Variants in QSER1 observed in about 807,000 individuals in gnomAD.
The protein encoded by QSER1 is glutamine and serine rich 1, also known as glutamine and serine-rich protein 1.
A neutral mutation model predicts 158.5 loss-of-function variants in QSER1; 49 were observed. The ratio of observed to expected loss-of-function variants is 0.31; its 90% confidence interval spans 0.25 to 0.39. The LOEUF is 0.39. Among genes scored for constraint, QSER1 ranks in the 10% least tolerant of loss-of-function variants. The pLI is 1.00. For missense variants in QSER1, 1,754 were observed against 2,010.3 expected (o/e 0.87, Z 2.44); for synonymous variants, 650 against 715.5 (o/e 0.91, Z 1.46).
chr11:32,929,151 G>A (rs543022230), intron 3 of QSER1, among the ~76,000 whole-genome samples: 37 of 152,054 alleles, frequency 2.4e-4, no homozygotes, highest in Admixed American at 1.4e-3. Context: ...TCACTCTGTC[G>A]CCCAGGCTGG....
chr11:32,922,080 G>A (rs929973783), intron 1 of QSER1, among the ~76,000 whole-genome samples: 6 of 152,024 alleles, frequency 3.9e-5, no homozygotes, highest in African/African-American at 1.4e-4. Flanking sequence ...TTTACACCAC[G>A]TATAAAAAAT....
chr11:32,893,371 G>T lies in QSER1; in HGVS notation c.209+37G>T, dbSNP rs1179902488. ...GGGCGGCGGGGTCGCGGTGGACCAGGAAAGGCCGGGGATGCGTTTGGGGCC... is the reference window on the plus strand; with the variant it reads ...GGGCGGCGGGGTCGCGGTGGACCAGTAAAGGCCGGGGATGCGTTTGGGGCC... On this transcript the variant is annotated intron_variant, in intron 1 of 12. Transcript: ENST00000650167. This position sits in a 1 kb window ranked among gnomAD's most constrained non-coding sequence, Gnocchi z 4.7. 6.6e-6 allele frequency: 1 copy of T among 152,456 alleles called. No individual in the cohort carries two copies. Among genetic ancestry groups the T allele is most frequent in the Non-Finnish European group, 1.5e-5 (1 of 68,170 alleles). 9.4% of individuals were successfully genotyped at this position (152,456 alleles called of 1,614,324 possible).
At chr11:32,960,873 A>G (rs1037320990) in intron 8 of QSER1, among the ~76,000 whole-genome samples, 2 of 152,190 alleles carry the variant, frequency 1.3e-5, no homozygotes, top group African/African-American at 4.8e-5. Context: ...TCAAATATTG[A>G]TAATAAACAT....
chr11:32,924,241 AC>A (rs1160843054), intron 1 of QSER1, among the ~76,000 whole-genome samples: 11 of 59,380 alleles, frequency 1.9e-4, no homozygotes, highest in African/African-American at 2.3e-4. Flanking sequence ...GATAATTCAC[AC>A]TGAGCAAAAA....
chr11:32,896,605 T>G (rs1590703037), intron 1 of QSER1, among the ~76,000 whole-genome samples: 2 of 152,176 alleles, frequency 1.3e-5, no homozygotes, highest in Admixed American at 1.3e-4. Flanking sequence ...GCCAGGCTGG[T>G]CTTGAACTCC....
chr11:32,934,108 T>G lies in QSER1; in HGVS notation c.2850T>G (p.His950Gln). Residue 950 changes from histidine to glutamine, a missense_variant, in exon 4 of 13, where the codon CAT becomes CAG. Coordinates refer to ENST00000650167, the MANE Select transcript of QSER1 (RefSeq NM_001076786.3). ...GCCATTTTAGTGAAACAAATCAACA[T>G]GATTCAAAGAATCAGTTTGTTTCTC... Reference protein sequence around the residue: ...TKGHFSETNQHDSKNQFVSLG... With the variant: ...TKGHFSETNQQDSKNQFVSLG... The G allele has an allele frequency of 6.2e-7, 1 of 1,614,020 alleles. No individual in the cohort carries two copies.
At chr11:32,927,639 C>T (rs1359677722) in intron 2 of QSER1, among the ~76,000 whole-genome samples, 1 of 152,162 alleles carries the variant, frequency 6.6e-6, no homozygotes, top group African/African-American at 2.4e-5. Flanking sequence ...AAACTCCTGA[C>T]CTTGTGATCC....
At chr11:32,971,615 A>G (rs541464137) in intron 10 of QSER1, among the ~76,000 whole-genome samples, 28 of 152,352 alleles carry the variant, frequency 1.8e-4, no homozygotes, top group African/African-American at 6.3e-4. Flanking sequence ...GTACATGATA[A>G]GTGCACAAAT....
At chr11:32,924,509 G>A (rs1271323834) in intron 1 of QSER1, among the ~76,000 whole-genome samples, 1 of 148,098 alleles carries the variant, frequency 6.8e-6, no homozygotes, top group East Asian at 2.0e-4. Flanking sequence ...GTAGTGAGCC[G>A]TGATCATGCC....
intron 1 of QSER1, among the ~76,000 whole-genome samples, chr11:32,898,569 A>G (rs1435373750): frequency 1.3e-5 from 2 of 151,114 alleles, no homozygotes; most frequent in Non-Finnish European, 2.9e-5. Context: ...TTACTGACCA[A>G]TTTTTTTTAA....
intron 1 of QSER1, among the ~76,000 whole-genome samples, chr11:32,910,752 G>A (rs1851755837): frequency 6.6e-6 from 1 of 152,200 alleles, no homozygotes; most frequent in Non-Finnish European, 1.5e-5. Flanking sequence ...AAGGTAAATA[G>A]AGTAAAAATC....
At chr11:32,965,034 T>C (rs1446904019) in intron 8 of QSER1, among the ~76,000 whole-genome samples, 2 of 151,752 alleles carry the variant, frequency 1.3e-5, no homozygotes, top group Non-Finnish European at 2.9e-5. Context: ...CAAGTTAATG[T>C]CATAGTTCTT....
At chr11:32,905,564 A>C (rs1053194697) in intron 1 of QSER1, among the ~76,000 whole-genome samples, 2 of 152,208 alleles carry the variant, frequency 1.3e-5, no homozygotes, top group Non-Finnish European at 2.9e-5. Context: ...CCAACTCCTC[A>C]AGAAACCCAA....
At chr11:32,964,733 T>TACACACACACACACACACAC (rs1246383757) in intron 8 of QSER1, among the ~76,000 whole-genome samples, 7 of 115,284 alleles carry the variant, frequency 6.1e-5, no homozygotes, top group Non-Finnish European at 1.1e-4. Context: ...TATATATATA[T>TACACACACACACACACACAC]ATATATACAC....
intron 10 of QSER1, among the ~76,000 whole-genome samples, chr11:32,971,839 G>A (rs1419737871): frequency 2.0e-5 from 3 of 152,120 alleles, no homozygotes; most frequent in African/African-American, 4.8e-5. Context: ...CGAGGTGGGC[G>A]GATCATGAGG....
intron 1 of QSER1, among the ~76,000 whole-genome samples, chr11:32,902,091 A>C (rs772071003): frequency 6.6e-6 from 1 of 152,186 alleles, no homozygotes; most frequent in African/African-American, 2.4e-5. Flanking sequence ...TCAAAAACAC[A>C]ACAAAAAAAT....
chr11:32,910,196 G>T (rs1307388164), intron 1 of QSER1, among the ~76,000 whole-genome samples: 1 of 152,148 alleles, frequency 6.6e-6, no homozygotes, highest in Non-Finnish European at 1.5e-5. Flanking sequence ...GGCAGGGCTT[G>T]CTTAAGATCC....
chr11:32,917,833 A>AC (rs1202557904), intron 1 of QSER1, among the ~76,000 whole-genome samples: 3 of 151,422 alleles, frequency 2.0e-5, no homozygotes, highest in South Asian at 2.1e-4. Context: ...AAAAAAAAAA[A>AC]AAAAAAAAAA....
intron 10 of QSER1, among the ~76,000 whole-genome samples, chr11:32,970,815 A>G (rs1366217520): frequency 6.6e-6 from 1 of 152,146 alleles, no homozygotes; most frequent in Non-Finnish European, 1.5e-5. Context: ...GGTGTTTTCT[A>G]AAGATTTACT....
Sources: allele counts gnomAD v4.1 joint callset (sites outside exome capture counted in the v4.1 genomes callset), GRCh38; gene constraint gnomAD v4.1.1; non-coding constraint Gnocchi (gnomAD v3.1); transcripts MANE v1.5; gene names NCBI Gene and HGNC (gene_info 2026-07-23, HGNC 2026-07-21).